The following IL20RB variants were observed in gnomAD, a reference collection of about 807,000 sequenced individuals.
The protein encoded by IL20RB is interleukin 20 receptor subunit beta.
Under a neutral mutation model 33.3 loss-of-function variants are expected in IL20RB, and 21 were observed. The ratio of observed to expected loss-of-function variants is 0.63; its 90% CI spans 0.45 to 0.91. The LOEUF (loss-of-function observed/expected upper bound fraction) is 0.91, where lower values mean the gene tolerates loss of function less well. IL20RB is among the 40% of genes least tolerant of loss of function. The probability of loss-of-function intolerance (pLI) is 0.00; values close to 1 mark genes in which losing one functional copy is unlikely to be tolerated. For missense variants in IL20RB, 345 were observed against 384.8 expected (o/e 0.90, Z 0.86); for synonymous variants, 147 against 146.8 (o/e 1.00, Z -0.01).
chr3:136,980,969 C>T (rs1485261909), intron 2 of IL20RB, among the ~76,000 whole-genome samples: 1 of 152,234 alleles, frequency 6.6e-6, no homozygotes, highest in Non-Finnish European at 1.5e-5. Flanking sequence ...CCAAAACGAA[C>T]TATAATCCTA....
At chr3:136,977,673 G>A (rs147406336) in intron 1 of IL20RB, among the ~76,000 whole-genome samples, 5 of 152,018 alleles carry the variant, frequency 3.3e-5, no homozygotes, top group East Asian at 3.9e-4. Flanking sequence ...TTACAGGCAC[G>A]CACTACCACG....
chr3:137,004,881 C>T (rs1942321783), intron 6 of IL20RB, among the ~76,000 whole-genome samples: 2 of 152,124 alleles, frequency 1.3e-5, no homozygotes, highest in South Asian at 2.1e-4. Flanking sequence ...TTAGATCTTT[C>T]CTGCTTTCTC....
chr3:137,010,121 C>G lies in IL20RB; in HGVS notation c.834C>G (p.Thr278=), dbSNP rs377370533. The change falls in exon 7 of 7, where the codon ACC becomes ACG. Residue 278 remains threonine, a synonymous_variant. Coordinates refer to ENST00000329582, the MANE Select transcript of IL20RB (RefSeq NM_144717.4). The stretch of plus-strand genomic sequence containing the variant: ...TGAAAATTATTTTTCAGAAAATAAC[C>G]AATTCACCCCAGAAGTTAATCAGCT... The part of the protein sequence containing the change: ...VVVLPDTLKI[T]NSPQKLISCR... 2.0e-4 allele frequency: 306 copies of G among 1,556,184 alleles called. No individual in the cohort carries two copies. The highest frequency in any genetic ancestry group is 2.6e-4 in the Non-Finnish European group (297 of 1,127,222).
chr3:136,975,490 C>A (rs1941593280), intron 1 of IL20RB, among the ~76,000 whole-genome samples: 1 of 152,134 alleles, frequency 6.6e-6, no homozygotes, highest in Non-Finnish European at 1.5e-5. Flanking sequence ...AGGCACACAC[C>A]ACCATGCCCA....
At chr3:137,006,596 C>T (rs372437701) in intron 6 of IL20RB, among the ~76,000 whole-genome samples, 47 of 152,104 alleles carry the variant, frequency 3.1e-4, no homozygotes, top group African/African-American at 8.5e-4. Flanking sequence ...ATGAAGTTCT[C>T]GTGCCATGGT....
rs551745945 is a variant in IL20RB at position 137,008,810 on chromosome 3, TAAATA to T, written c.826-1297_826-1293del. ...ATGATAATATTTTGGATATATTTGT[TAAATA>T]AAATATATTATTAAAATTAGTTCCA... On this transcript the variant is annotated intron_variant, in intron 6 of 6. Coordinates refer to ENST00000329582, the MANE Select transcript of IL20RB (RefSeq NM_144717.4). Among the ~76,000 whole-genome samples the T allele has an allele frequency of 8.5e-4, 129 of 151,022 alleles. 1 individual carries two copies. Among genetic ancestry groups the T allele is most frequent in the African/African-American group, 3.0e-3 (126 of 41,464 alleles).
rs35515236 is a variant in IL20RB, at chr3:136,985,337, CTTT to C, written c.406+3002_406+3004del. ...GGATCCCTACTGTCTCTCTCTCTCT[CTTT>C]TTTTTTTTTTTTTTGAGATGGAGTT... On this transcript the variant is annotated intron_variant, in intron 3 of 6. Coordinates refer to ENST00000329582, the MANE Select transcript of IL20RB (RefSeq NM_144717.4). 1.1e-3 allele frequency among the ~76,000 whole-genome samples: 155 copies of C among 137,252 alleles called. 1 individual carries two copies. Among genetic ancestry groups the C allele is most frequent in the Admixed American group, 3.7e-3 (50 of 13,536 alleles). 90.0% of individuals were successfully genotyped at this position (137,252 alleles called of 152,430 possible).
intron 1 of IL20RB, among the ~76,000 whole-genome samples, chr3:136,977,714 TG>T (rs2108193171): frequency 6.6e-6 from 1 of 152,074 alleles, no homozygotes; most frequent in South Asian, 2.1e-4. Context: ...TTAGTAGAGA[TG>T]GGGTTTTGCC....
chr3:136,989,411 G>A, intron 3 of IL20RB, 30 bp from the exon 4 acceptor site: 1 of 1,612,168 alleles, frequency 6.2e-7, no homozygotes, highest in Non-Finnish European at 8.5e-7. Context: ...TCTGGGGCTG[G>A]CTTTGACTCT....
At position 136,984,721 on chromosome 3, in the gene IL20RB, G is replaced by A. The variant is rs1041360380; in HGVS notation, c.406+2371G>A. On this transcript the variant is annotated intron_variant, in intron 3 of 6. Transcript: ENST00000329582. ...CAAAAGGAATTTTGGTGCAGATTGT[G>A]GGCTCCTTTGCCCAGGCCTCCTTCC... 4.6e-5 allele frequency among the ~76,000 whole-genome samples: 7 copies of A among 151,976 alleles called. No individual in the cohort carries two copies. In the East Asian group the frequency reaches 1.4e-3, roughly 30 times the overall value.
At chr3:136,960,808 G>A (rs1941198436) in intron 1 of IL20RB, among the ~76,000 whole-genome samples, 1 of 152,132 alleles carries the variant, frequency 6.6e-6, no homozygotes, top group Non-Finnish European at 1.5e-5. Context: ...ATTAAAACAA[G>A]GTAGAAGAAG....
intron 6 of IL20RB, among the ~76,000 whole-genome samples, chr3:137,005,016 C>T (rs1368702640): frequency 2.6e-5 from 4 of 152,142 alleles, no homozygotes; most frequent in African/African-American, 4.8e-5. Context: ...GCCTTCATTT[C>T]GTTATTTACC....
intron 1 of IL20RB, among the ~76,000 whole-genome samples, chr3:136,963,577 T>G (rs1464779708): frequency 1.3e-5 from 2 of 152,152 alleles, no homozygotes; most frequent in South Asian, 2.1e-4. Context: ...TCCTCTTTGG[T>G]GAAATGTCTA....
rs577608430 is a variant in IL20RB, at chr3:137,010,231, G to T, written c.*8G>T. 7.3e-7 allele frequency: 1 copy of T among 1,363,456 alleles called. No homozygotes were observed. The highest frequency in any genetic ancestry group is 1.4e-5 in the African/African-American group (1 of 70,146). The allele number at this position is 1,363,456 out of a possible 1,614,324, so 84.5% of individuals were successfully genotyped here. A position where few individuals can be genotyped will look rare whatever the true frequency, so the allele number is the denominator to read the frequency against. On this transcript the variant is annotated 3_prime_UTR_variant, in exon 7 of 7. Coordinates refer to ENST00000329582, the MANE Select transcript of IL20RB (RefSeq NM_144717.4). ...AGGGCCTGGATCTCATAGGTTTGCG[G>T]AAGGGCCCAGGTGAAGCCGAGAACC... is the stretch of plus-strand genomic sequence containing the variant.
chr3:137,002,997 A>G (rs1265259058), intron 6 of IL20RB, among the ~76,000 whole-genome samples: 27 of 151,950 alleles, frequency 1.8e-4, no homozygotes, highest in African/African-American at 2.7e-4. Context: ...TGGCTAGCCA[A>G]TTTTCCCAGC....
intron 1 of IL20RB, among the ~76,000 whole-genome samples, chr3:136,977,104 C>G (rs1560068504): frequency 6.6e-6 from 1 of 152,170 alleles, no homozygotes; most frequent in Non-Finnish European, 1.5e-5. Flanking sequence ...CCAGTGTTTT[C>G]TTTTGGATAA....
Position 136,958,198 on chromosome 3 carries a change from A to C in IL20RB, c.85A>C (p.Thr29Pro), listed in dbSNP as rs1238784867. The C allele has an allele frequency of 6.3e-7, 1 of 1,591,252 alleles. No homozygotes were observed. Among genetic ancestry groups the C allele is most frequent in the African/African-American group, 1.3e-5 (1 of 74,474 alleles). The change falls in exon 1 of 7, where the codon ACA becomes CCA. Residue 29 changes from threonine (T) to proline (P), a missense_variant. Physicochemically the swap from Thr to Pro is conservative, Grantham distance 38 (BLOSUM62 -1). Transcript: ENST00000329582. The part of the protein sequence containing the change: ...FFYALIPCLL[T>P]DEVAILPAPQ... ...CTACGCATTGATTCCATGTTTGCTC[A>C]CAGGTAAGTATGAATTAGAATACAT... is the stretch of plus-strand genomic sequence containing the variant.
chr3:136,969,796 A>T (rs923631261), intron 1 of IL20RB, among the ~76,000 whole-genome samples: 1 of 151,978 alleles, frequency 6.6e-6, no homozygotes, highest in African/African-American at 2.4e-5. Context: ...CCACTTTGCA[A>T]CTTGTCATCT....
Position 136,984,135 on chromosome 3 carries a change from G to A in IL20RB, c.406+1785G>A, listed in dbSNP as rs190867429. On this transcript the variant is annotated intron_variant, in intron 3 of 6. Transcript: ENST00000329582. Reference sequence around the variant, plus strand: ...ATTATAGGAATGAGCCATCGCACAGGGCCATCACAAAGTTAACAGCTAAAG... The same window carrying A: ...ATTATAGGAATGAGCCATCGCACAGAGCCATCACAAAGTTAACAGCTAAAG... Among the ~76,000 whole-genome samples the A allele has an allele frequency of 4.4e-3, 677 of 152,300 alleles. 7 individuals are homozygous for A. Among genetic ancestry groups the A allele is most frequent in the Non-Finnish European group, 7.8e-3 (534 of 68,028 alleles).
Sources: allele counts gnomAD v4.1 joint callset (sites outside exome capture counted in the v4.1 genomes callset), GRCh38; gene constraint gnomAD v4.1.1; transcripts MANE v1.5; gene names NCBI Gene and HGNC (gene_info 2026-07-23, HGNC 2026-07-21).